Variants in TNNI3K observed in about 807,000 individuals in gnomAD.
TNNI3K encodes the protein TNNI3 interacting kinase.
In TNNI3K, 140 loss-of-function variants were observed where a neutral mutation model predicts 114.5. The ratio of observed to expected loss-of-function variants is 1.22; its 90% CI spans 1.07 to 1.41. TNNI3K has a LOEUF of 1.41. Ranked by LOEUF, TNNI3K falls within the 40% of genes most tolerant of loss-of-function variation. TNNI3K has a pLI of 0.00. For synonymous variants in TNNI3K, 347 were observed against 347.5 expected, an observed-to-expected ratio of 1.00 and a Z score of 0.02; for missense variants, 1,125 against 1,007.6, an observed-to-expected ratio of 1.12 and a Z score of -1.58.
At chr1:74,503,404 G>A (rs1051219552) in intron 23 of TNNI3K, among the ~76,000 whole-genome samples, 1 of 152,146 alleles carries the variant, frequency 6.6e-6, no homozygotes, top group African/African-American at 2.4e-5. Context: ...ATTTACAAAA[G>A]ACTGTAGTGC....
chr1:74,329,084 A>G (rs1382574615), intron 5 of TNNI3K, among the ~76,000 whole-genome samples: 3 of 152,066 alleles, frequency 2.0e-5, no homozygotes, highest in Non-Finnish European at 2.9e-5. Context: ...TGAATTAGTT[A>G]CTTTATTTAC....
rs529340843 is a variant in TNNI3K, at chr1:74,426,774, A to C, written c.1773-9306A>C. Among the ~76,000 whole-genome samples the C allele has an allele frequency of 2.0e-5, 3 of 152,070 alleles. No individual in the cohort carries two copies. The East Asian group carries it at 5.9e-4, about 30-fold the overall frequency. On this transcript the variant is annotated intron_variant, in intron 17 of 24. Coordinates refer to ENST00000326637, the MANE Select transcript of TNNI3K (RefSeq NM_015978.3). ...CACATTGCCAGAGAGTTATTCTTGG[A>C]TCTGGTTTCTTAAATGTAAGTGAGA...
intron 17 of TNNI3K, among the ~76,000 whole-genome samples, chr1:74,427,920 AAT>A (rs1225943570): frequency 6.6e-6 from 1 of 151,800 alleles, no homozygotes; most frequent in Non-Finnish European, 1.5e-5. Context: ...GTGCTGAGCA[AAT>A]AGTAAGTGAA....
chr1:74,487,217 A>C (rs1668812175), intron 21 of TNNI3K, among the ~76,000 whole-genome samples: 1 of 152,164 alleles, frequency 6.6e-6, no homozygotes, highest in Non-Finnish European at 1.5e-5. Context: ...TGCAAAAAAA[A>C]ATGGATGAGA....
At chr1:74,294,590 C>G (rs1319451789) in intron 5 of TNNI3K, among the ~76,000 whole-genome samples, 11 of 151,952 alleles carry the variant, frequency 7.2e-5, no homozygotes, top group Non-Finnish European at 1.5e-4. Flanking sequence ...TGAAGGAAAA[C>G]TTAAATGTTT....
chr1:74,397,671 C>A (rs960259700), intron 17 of TNNI3K, among the ~76,000 whole-genome samples: 2 of 152,194 alleles, frequency 1.3e-5, no homozygotes, highest in Non-Finnish European at 2.9e-5. Context: ...GTCAAACTCA[C>A]CTTAGAGCAA....
intron 9 of TNNI3K, among the ~76,000 whole-genome samples, chr1:74,350,182 C>A (rs140608589): frequency 2.6e-5 from 4 of 152,000 alleles, no homozygotes; most frequent in Admixed American, 1.3e-4. Context: ...TCTTTGTTCT[C>A]GTTGGTTTCA....
intron 5 of TNNI3K, among the ~76,000 whole-genome samples, chr1:74,280,834 A>T (rs1380018834): frequency 1.3e-5 from 2 of 152,044 alleles, no homozygotes. Flanking sequence ...ACCCAGTGAG[A>T]CACCAGCGGT....
At chr1:74,436,386 C>A in intron 18 of TNNI3K, 88 bp from the exon 19 acceptor site, 1 of 1,408,170 alleles carries the variant, frequency 7.1e-7, no homozygotes, top group South Asian at 1.5e-5. Flanking sequence ...AGACAGAAGT[C>A]TCTTGAGGTT....
Position 74,518,738 on chromosome 1 carries a change from T to A in TNNI3K, c.2352-21496T>A, listed in dbSNP as rs897483376. On this transcript the variant is annotated intron_variant, in intron 23 of 24. Transcript: ENST00000326637. ...GTTTTGAACACATATTTTGCTTTTA[T>A]ATAATTTATTTCCATAAGTAAAGGG... is the stretch of plus-strand genomic sequence containing the variant. Among the ~76,000 whole-genome samples, 13 of 152,308 alleles carry A rather than the reference T, an allele frequency of 8.5e-5. No individual in the cohort carries two copies. The South Asian group carries it at 2.5e-3, about 29-fold the overall frequency.
At chr1:74,253,448 G>C (rs1313746436) in intron 4 of TNNI3K, among the ~76,000 whole-genome samples, 3 of 152,180 alleles carry the variant, frequency 2.0e-5, no homozygotes, top group Admixed American at 1.3e-4. Context: ...TCGGGGGGAA[G>C]CTCAGGCATG....
intron 23 of TNNI3K, among the ~76,000 whole-genome samples, chr1:74,535,122 T>C (rs1362723157): frequency 6.6e-6 from 1 of 152,170 alleles, no homozygotes; most frequent in African/African-American, 2.4e-5. Context: ...CTGTGTAATT[T>C]CACTCTGCCT....
At chr1:74,271,063 G>T (rs1338017778) in intron 4 of TNNI3K, among the ~76,000 whole-genome samples, 1 of 134,998 alleles carries the variant, frequency 7.4e-6, no homozygotes, top group African/African-American at 2.8e-5. Context: ...TGAATTAATT[G>T]TGCCTAGATT....
In TNNI3K at chr1:74,519,481, T is replaced by G. The variant is rs932941271; in HGVS notation, c.2352-20753T>G. 2.8e-5 allele frequency among the ~76,000 whole-genome samples: 4 copies of G among 143,346 alleles called. No homozygotes were observed. The East Asian group carries it at 8.1e-4, about 29-fold the overall frequency. 94.0% of individuals were successfully genotyped at this position (143,346 alleles called of 152,430 possible). On this transcript the variant is annotated intron_variant, in intron 23 of 24. Coordinates refer to ENST00000326637, the MANE Select transcript of TNNI3K (RefSeq NM_015978.3). ...ACACTGACTTCCACAATGGTTGAACTAGTTTACAGTCCCACCAACAGTGTA... is the reference window on the plus strand; with the variant it reads ...ACACTGACTTCCACAATGGTTGAACGAGTTTACAGTCCCACCAACAGTGTA...
intron 21 of TNNI3K, among the ~76,000 whole-genome samples, chr1:74,485,371 G>A (rs917449543): frequency 2.6e-5 from 4 of 152,168 alleles, no homozygotes; most frequent in African/African-American, 4.8e-5. Flanking sequence ...CTACCTGGCC[G>A]GTTAGTCGGC....
intron 4 of TNNI3K, among the ~76,000 whole-genome samples, chr1:74,260,775 G>T (rs903336429): frequency 6.6e-6 from 1 of 151,886 alleles, no homozygotes; most frequent in African/African-American, 2.4e-5. Context: ...CAATATAAAA[G>T]AAATGGCATC....
intron 5 of TNNI3K, among the ~76,000 whole-genome samples, chr1:74,308,826 A>G (rs1658806089): frequency 6.6e-6 from 1 of 152,162 alleles, no homozygotes; most frequent in South Asian, 2.1e-4. Context: ...AATAACAACA[A>G]CTGATTCCAC....
At chr1:74,316,204 A>T (rs1250624396) in intron 5 of TNNI3K, among the ~76,000 whole-genome samples, 2 of 152,200 alleles carry the variant, frequency 1.3e-5, no homozygotes, top group African/African-American at 4.8e-5. Flanking sequence ...ATAATCAACA[A>T]GAAACATAAA....
At chr1:74,256,676 C>T (rs1655334226) in intron 4 of TNNI3K, among the ~76,000 whole-genome samples, 1 of 152,014 alleles carries the variant, frequency 6.6e-6, no homozygotes, top group Admixed American at 6.5e-5. Context: ...CTCAACATTT[C>T]ATAGTCCACT....
Sources: allele counts gnomAD v4.1 joint callset (sites outside exome capture counted in the v4.1 genomes callset), GRCh38; gene constraint gnomAD v4.1.1; transcripts MANE v1.5; gene names NCBI Gene and HGNC (gene_info 2026-07-23, HGNC 2026-07-21).